CNTN3: variants seen among roughly 807,000 people sequenced by gnomAD.
The protein encoded by CNTN3 is contactin-3.
A neutral mutation model predicts 119.1 loss-of-function variants in CNTN3; 60 were observed. The ratio of observed to expected loss-of-function variants is 0.50; its 90% CI spans 0.41 to 0.62. The LOEUF is 0.62. CNTN3 is among the 20% of genes least tolerant of loss of function. The pLI is 0.00. For synonymous variants in CNTN3, 450 were observed against 438.7 expected (o/e 1.03, Z -0.32); for missense variants, 1,101 against 1,242.4 (o/e 0.89, Z 1.71).
In CNTN3 at chr3:74,488,181, C is replaced by G. The variant is rs116248253; in HGVS notation, c.183-1550G>C. ...GGCTGGAGTGTAGGTGGTGCGATCT[C>G]AGCTCACGGCAAGCTCTGCCTCCTG... On this transcript the variant is annotated intron_variant, in intron 3 of 22. Transcript: ENST00000263665. Among the ~76,000 whole-genome samples, 1,484 of 151,926 alleles carry G rather than the reference C, an allele frequency of 9.8e-3. 31 individuals are homozygous for G. Among genetic ancestry groups the G allele is most frequent in the African/African-American group, 0.034 (1,402 of 41,444 alleles).
At position 74,296,830 on chromosome 3, in the gene CNTN3, G is replaced by A. The variant is rs777152745; in HGVS notation, c.2401+1127C>T. On this transcript the variant is annotated intron_variant, in intron 18 of 22. Transcript: ENST00000263665. ...TTGAAATATCAAATTAGGTAATGTCGGGCAAGTAGTAAAACTTCAATACAT... is the reference window on the plus strand; with the variant it reads ...TTGAAATATCAAATTAGGTAATGTCAGGCAAGTAGTAAAACTTCAATACAT... Among the ~76,000 whole-genome samples, 8 of 151,396 alleles carry A rather than the reference G, an allele frequency of 5.3e-5. No individual in the cohort carries two copies. The East Asian group carries it at 7.8e-4, about 15-fold the overall frequency.
At position 74,262,967 on chromosome 3, in the gene CNTN3, C is replaced by G. The variant is rs980273066; in HGVS notation, c.*1434G>C. 8.6e-5 allele frequency: 13 copies of G among 151,970 alleles called. No individual in the cohort carries two copies. The highest frequency in any genetic ancestry group is 3.9e-4 in the Admixed American group (6 of 15,222). 9.4% of individuals were successfully genotyped at this position (151,970 alleles called of 1,614,324 possible). On this transcript the variant is annotated 3_prime_UTR_variant, in exon 23 of 23. Transcript: ENST00000263665. ...GATGACTTTATCTTAAATGTAATCTCTAAATGTAAAATAGTGCTTTATGGT... is the reference window on the plus strand; with the variant it reads ...GATGACTTTATCTTAAATGTAATCTGTAAATGTAAAATAGTGCTTTATGGT...
chr3:74,569,264 C>T (rs891828836), intron 1 of CNTN3, among the ~76,000 whole-genome samples: 6 of 152,120 alleles, frequency 3.9e-5, no homozygotes, highest in African/African-American at 1.4e-4. Context: ...ACTGAAAATG[C>T]CTGGGAATTA....
At chr3:74,583,052 AG>A in intron 1 of CNTN3, among the ~76,000 whole-genome samples, 1 of 152,280 alleles carries the variant, frequency 6.6e-6, no homozygotes, top group East Asian at 1.9e-4. Flanking sequence ...AGCAGAAGGC[AG>A]GGCTAGAAAA....
At chr3:74,277,431 G>A (rs1406370206) in intron 20 of CNTN3, among the ~76,000 whole-genome samples, 1 of 152,088 alleles carries the variant, frequency 6.6e-6, no homozygotes, top group Non-Finnish European at 1.5e-5. Context: ...GATCAAGTAG[G>A]TTTCACTTCA....
intron 1 of CNTN3, among the ~76,000 whole-genome samples, chr3:74,577,897 A>G (rs1704444054): frequency 6.6e-6 from 1 of 152,112 alleles, no homozygotes; most frequent in South Asian, 2.1e-4. Flanking sequence ...AGCATTCCAT[A>G]TGTATTTGTT....
rs1271554595 is a variant in CNTN3 at position 74,336,404 on chromosome 3, A to AT, written c.1492+126dup. On this transcript the variant is annotated intron_variant, in intron 12 of 22. Transcript: ENST00000263665. ...TTGACTTTCACCTGTTAAAAATAAC[A>AT]TAAGTGCAAATACAGGTTCTACCTT... 4 of 992,434 alleles carry AT rather than the reference A, an allele frequency of 4.0e-6. No homozygotes were observed. In the African/African-American group the frequency reaches 6.5e-5, roughly 16 times the overall value. The allele number at this position is 992,434 out of a possible 1,614,324, so 61.5% of individuals were successfully genotyped here.
chr3:74,264,678 T>C (rs990499073), intron 22 of CNTN3, among the ~76,000 whole-genome samples, 177 bp from the exon 23 acceptor site: 1 of 152,114 alleles, frequency 6.6e-6, no homozygotes, highest in Non-Finnish European at 1.5e-5. Flanking sequence ...GCCAGCAATT[T>C]GACCTTGGGC....
intron 3 of CNTN3, 77 bp downstream of exon 3, chr3:74,499,582 A>T (rs1703127069): frequency 4.9e-6 from 7 of 1,425,092 alleles, no homozygotes; most frequent in Non-Finnish European, 6.6e-6. Context: ...AAATATATTG[A>T]AGCAAAAAAA....
chr3:74,366,807 T>TATATATATATAA (rs1287883934), intron 8 of CNTN3, among the ~76,000 whole-genome samples: 4 of 132,676 alleles, frequency 3.0e-5, no homozygotes, highest in Non-Finnish European at 6.5e-5. Context: ...TATATATATA[T>TATATATATATAA]AACTTGCTCA....
Position 74,262,658 on chromosome 3 carries a change from C to A in CNTN3, c.*1743G>T, listed in dbSNP as rs1701596613. ...CAGGAATTGAAAGATAAATTTTATACTTTTCAATATGAAACAAAGTGCATA... is the reference window on the plus strand; with the variant it reads ...CAGGAATTGAAAGATAAATTTTATAATTTTCAATATGAAACAAAGTGCATA... On this transcript the variant is annotated 3_prime_UTR_variant, in exon 23 of 23. Coordinates refer to ENST00000263665, the MANE Select transcript of CNTN3 (RefSeq NM_020872.3). 1 of 152,432 alleles carries A rather than the reference C, an allele frequency of 6.6e-6. No homozygotes were observed. Among genetic ancestry groups the A allele is most frequent in the South Asian group, 2.1e-4 (1 of 4,818 alleles). 9.4% of individuals were successfully genotyped at this position (152,432 alleles called of 1,614,324 possible).
rs766543230 is a variant in CNTN3, at chr3:74,298,041, G to T, written c.2317C>A (p.Pro773Thr). 1 of 1,613,886 alleles carries T rather than the reference G, an allele frequency of 6.2e-7. No individual in the cohort carries two copies. Among genetic ancestry groups the T allele is most frequent in the Non-Finnish European group, 8.5e-7 (1 of 1,179,976 alleles). The change falls in exon 18 of 23, where the codon CCA becomes ACA. Residue 773 changes from proline to threonine, a missense_variant. Transcript: ENST00000263665. ...FRNESIVPYSPYEVKVGVYNN... is the reference protein window; with the variant it reads ...FRNESIVPYSTYEVKVGVYNN... ...TAAACACCCACTTTAACTTCATATG[G>T]TGAATATGGCACGATGCTTTCATTC...
chr3:74,570,794 T>C (rs1704320900), intron 1 of CNTN3, among the ~76,000 whole-genome samples: 2 of 152,208 alleles, frequency 1.3e-5, no homozygotes, highest in Non-Finnish European at 2.9e-5. Context: ...TCACTTAGAG[T>C]AAATTGGAGA....
chr3:74,544,175 G>A (rs1345966769), intron 1 of CNTN3, among the ~76,000 whole-genome samples: 1 of 152,120 alleles, frequency 6.6e-6, no homozygotes, highest in East Asian at 1.9e-4. Flanking sequence ...GGGAGGTCAG[G>A]TTGGCACTGA....
intron 5 of CNTN3, among the ~76,000 whole-genome samples, chr3:74,376,391 C>T (rs1450152299): frequency 6.6e-6 from 1 of 152,180 alleles, no homozygotes; most frequent in Non-Finnish European, 1.5e-5. Context: ...CTGAGCTCTG[C>T]CTCCTGTCAG....
At chr3:74,592,809 C>T (rs1233026530) in intron 1 of CNTN3, among the ~76,000 whole-genome samples, 2 of 151,942 alleles carry the variant, frequency 1.3e-5, no homozygotes, top group Non-Finnish European at 2.9e-5. Context: ...ATATGTCACA[C>T]TGATCATAAA....
In CNTN3 at chr3:74,557,545, G is replaced by A. The variant is rs75626151; in HGVS notation, c.-80-36353C>T. 0.018 allele frequency among the ~76,000 whole-genome samples: 2,743 copies of A among 152,236 alleles called. 224 individuals are homozygous for A. The East Asian group carries it at 0.25, about 14-fold the overall frequency. ...TAGGAACCAAGGGATAGAAGCAGAA[G>A]TAGCCTCAGCAATCCATATGGGAAA... On this transcript the variant is annotated intron_variant, in intron 1 of 22. Coordinates refer to ENST00000263665, the MANE Select transcript of CNTN3 (RefSeq NM_020872.3).
intron 4 of CNTN3, among the ~76,000 whole-genome samples, chr3:74,475,647 T>G (rs940639261): frequency 1.3e-5 from 2 of 152,186 alleles, no homozygotes; most frequent in African/African-American, 4.8e-5. Context: ...AACCAAAAAT[T>G]CGATCTGCTG....
intron 13 of CNTN3, among the ~76,000 whole-genome samples, chr3:74,304,524 C>T (rs1414847399): frequency 6.6e-6 from 1 of 152,080 alleles, no homozygotes; most frequent in African/African-American, 2.4e-5. Flanking sequence ...CCTTTATTTG[C>T]TTATTTTGAA....
Sources: gnomAD v4.1 joint callset for allele counts (sites outside exome capture counted in the v4.1 genomes callset) on GRCh38, gnomAD v4.1.1 for gene constraint, MANE v1.5 for transcripts, NCBI Gene and HGNC (gene_info 2026-07-23, HGNC 2026-07-21) for gene names.